PTGER3: variants seen among roughly 807,000 people sequenced by gnomAD.
PTGER3 encodes prostaglandin E receptor 3.
In PTGER3, 22 loss-of-function variants were observed where a neutral mutation model predicts 34.7. The observed-to-expected ratio is 0.63, with a 90% confidence interval of 0.45 to 0.91. PTGER3 has a LOEUF of 0.91. Ranked by LOEUF, PTGER3 falls within the 40% of genes least tolerant of loss-of-function variation. The pLI, the probability that PTGER3 is intolerant of heterozygous loss-of-function variation, is 0.00. For synonymous variants in PTGER3, 241 were observed against 230.1 expected (o/e 1.05, Z -0.43); for missense variants, 468 against 519.4 (o/e 0.90, Z 0.96).
At chr1:70,855,025 A>G (rs1645769117) in intron 4 of PTGER3, among the ~76,000 whole-genome samples, 1 of 152,204 alleles carries the variant, frequency 6.6e-6, no homozygotes, top group Non-Finnish European at 1.5e-5. Context: ...TTTCATATCC[A>G]TGTTCATTAC....
At chr1:70,977,935 T>A (rs1037679636) in intron 2 of PTGER3, among the ~76,000 whole-genome samples, 5 of 152,120 alleles carry the variant, frequency 3.3e-5, no homozygotes, top group Admixed American at 6.5e-5. Flanking sequence ...TGACCAGAAT[T>A]AGAAGGTCCT....
intron 4 of PTGER3, among the ~76,000 whole-genome samples, chr1:70,874,943 C>T (rs923216576): frequency 1.3e-5 from 2 of 152,136 alleles, no homozygotes; most frequent in African/African-American, 2.4e-5. Flanking sequence ...AATCAGCTCT[C>T]CTTTGGGTTT....
chr1:71,033,631 A>G (rs1659586770), intron 1 of PTGER3, among the ~76,000 whole-genome samples: 1 of 152,184 alleles, frequency 6.6e-6, no homozygotes, highest in Non-Finnish European at 1.5e-5. Context: ...GATTGCATGC[A>G]TGGATAAATG....
intron 4 of PTGER3, among the ~76,000 whole-genome samples, chr1:70,873,991 T>A (rs1646220722): frequency 6.6e-6 from 1 of 152,166 alleles, no homozygotes. Context: ...TTTGAAAACA[T>A]CTAGCTTCCA....
At chr1:70,938,789 A>G (rs1649485351) in intron 4 of PTGER3, among the ~76,000 whole-genome samples, 1 of 152,166 alleles carries the variant, frequency 6.6e-6, no homozygotes, top group South Asian at 2.1e-4. Flanking sequence ...TGATTCAATT[A>G]TCTCACATTA....
chr1:71,033,009 GT>G (rs992223666), intron 1 of PTGER3, among the ~76,000 whole-genome samples: 3 of 152,154 alleles, frequency 2.0e-5, no homozygotes, highest in Non-Finnish European at 4.4e-5. Context: ...GGTAACTTCT[GT>G]GTCTCTGTGT....
At chr1:70,961,969 A>G (rs1396367968) in intron 2 of PTGER3, among the ~76,000 whole-genome samples, 1 of 152,108 alleles carries the variant, frequency 6.6e-6, no homozygotes, top group African/African-American at 2.4e-5. Flanking sequence ...CTTTCTTTGG[A>G]CCTTCTTTGC....
At chr1:70,874,755 G>T (rs1375883496) in intron 4 of PTGER3, among the ~76,000 whole-genome samples, 1 of 151,614 alleles carries the variant, frequency 6.6e-6, no homozygotes, top group Non-Finnish European at 1.5e-5. Flanking sequence ...TCAAATCATT[G>T]CATTTTCCCA....
chr1:71,047,020 G>C lies in PTGER3; in HGVS notation c.558C>G (p.Leu186=), dbSNP rs766776709. The change falls in exon 1 of 4, where the codon CTC becomes CTG. Residue 186 remains leucine (L), a synonymous_variant. Transcript: ENST00000306666. ...AVLLGVWLAV[L]AFALLPVLGV... is the part of the protein sequence containing the mutation. ...CCAGCACCGGCAGCAGGGCGAAGGC[G>C]AGCACGGCCAGCCACACGCCGAGCA... is the stretch of plus-strand genomic sequence containing the variant. The C allele has an allele frequency of 6.2e-7, 1 of 1,610,894 alleles. No individual in the cohort carries two copies. The highest frequency in any genetic ancestry group is 1.1e-5 in the South Asian group (1 of 90,874).
chr1:71,020,293 C>G (rs977948340), intron 1 of PTGER3, among the ~76,000 whole-genome samples: 1 of 152,052 alleles, frequency 6.6e-6, no homozygotes, highest in Non-Finnish European at 1.5e-5. Context: ...TGTGCCATTT[C>G]GTCATTACTA....
intron 4 of PTGER3, among the ~76,000 whole-genome samples, chr1:70,941,919 C>G (rs1649794106): frequency 6.6e-6 from 1 of 152,108 alleles, no homozygotes; most frequent in Non-Finnish European, 1.5e-5. Context: ...CACGACCGTC[C>G]TCCTTAAAAA....
intron 4 of PTGER3, among the ~76,000 whole-genome samples, chr1:70,943,774 G>A (rs1035940509): frequency 1.1e-4 from 17 of 151,694 alleles, no homozygotes; most frequent in Admixed American, 2.6e-4. Flanking sequence ...GTAATCATGC[G>A]CATTGAGATG....
intron 4 of PTGER3, among the ~76,000 whole-genome samples, chr1:70,861,998 C>A (rs1286577608): frequency 6.6e-6 from 1 of 151,676 alleles, no homozygotes; most frequent in Non-Finnish European, 1.5e-5. Context: ...CAGTATCTAG[C>A]ACTTAGTAGT....
chr1:71,042,057 G>T (rs1660363877), intron 1 of PTGER3, among the ~76,000 whole-genome samples: 1 of 152,072 alleles, frequency 6.6e-6, no homozygotes. Context: ...GTTCAAAAGA[G>T]AAGGGCCAGT....
chr1:70,854,393 A>G (rs1645753414), intron 4 of PTGER3, among the ~76,000 whole-genome samples: 1 of 152,222 alleles, frequency 6.6e-6, no homozygotes, highest in Non-Finnish European at 1.5e-5. Flanking sequence ...AGAGAAATGC[A>G]AATCAGAACT....
chr1:70,943,978 A>G (rs1649993551), intron 4 of PTGER3, among the ~76,000 whole-genome samples: 1 of 151,754 alleles, frequency 6.6e-6, no homozygotes, highest in Non-Finnish European at 1.5e-5. Flanking sequence ...ATCAAATTTC[A>G]TTTGGTTTAA....
chr1:70,968,662 C>G (rs1215831086), downstream of PTGER3, among the ~76,000 whole-genome samples: 1 of 151,664 alleles, frequency 6.6e-6, no homozygotes, highest in Admixed American at 6.6e-5. Context: ...TTCTCTGTAC[C>G]TGCTCAATTT....
chr1:71,036,801 T>C (rs2100975473), intron 1 of PTGER3, among the ~76,000 whole-genome samples: 1 of 151,622 alleles, frequency 6.6e-6, no homozygotes, highest in South Asian at 2.1e-4. Context: ...ATCGTGCTAC[T>C]GTACTCCAGC....
At position 71,020,168 on chromosome 1, in the gene PTGER3, GT is replaced by G. The variant is rs143130720; in HGVS notation, c.898-7685del. Among the ~76,000 whole-genome samples the G allele has an allele frequency of 3.7e-3, 568 of 152,230 alleles. 1 individual carries two copies. Among genetic ancestry groups the G allele is most frequent in the African/African-American group, 0.013 (528 of 41,534 alleles). On this transcript the variant is annotated intron_variant, in intron 1 of 3. Transcript: ENST00000306666. ...CCAATCTGGTTACAACAGTTCTCCA[GT>G]TGTCAAATCATCTCTGGATCCTAGA...
Sources: gnomAD v4.1 joint callset for allele counts (sites outside exome capture counted in the v4.1 genomes callset) on GRCh38, gnomAD v4.1.1 for gene constraint, MANE v1.5 for transcripts, NCBI Gene and HGNC (gene_info 2026-07-23, HGNC 2026-07-21) for gene names.